The following FOCAD variants were observed in gnomAD, a reference collection of about 807,000 sequenced individuals.
The protein encoded by FOCAD is focadhesin.
In FOCAD, 198 loss-of-function variants were observed where a neutral mutation model predicts 225.6. The observed-to-expected ratio is 0.88, with a 90% confidence interval of 0.78 to 0.99. The LOEUF (loss-of-function observed/expected upper bound fraction) is 0.99, where lower values mean the gene tolerates loss of function less well. FOCAD is among the 50% of genes least tolerant of loss of function. FOCAD has a pLI of 0.00. For synonymous variants in FOCAD, 897 were observed against 755.0 expected (o/e 1.19, Z -3.08); for missense variants, 2,713 against 2,123.6 (o/e 1.28, Z -5.46).
At chr9:20,839,263 T>C (rs114301261) in intron 15 of FOCAD, among the ~76,000 whole-genome samples, 5,999 of 149,918 alleles carry the variant, frequency 0.04, 133 homozygotes, top group Middle Eastern at 0.086. Flanking sequence ...TTCTTTCTTT[T>C]TTTTTTTTTT....
intron 19 of FOCAD, among the ~76,000 whole-genome samples, chr9:20,876,630 G>T (rs1830249842): frequency 6.6e-6 from 1 of 152,034 alleles, no homozygotes; most frequent in Non-Finnish European, 1.5e-5. Context: ...GAGTGAGGTG[G>T]GTGATCTAGA....
At chr9:20,981,354 G>C in intron 37 of FOCAD, 72 bp from the exon 38 acceptor site, 1 of 1,499,580 alleles carries the variant, frequency 6.7e-7, no homozygotes, top group Non-Finnish European at 9.1e-7. Context: ...ACACAGTGAT[G>C]ATGTACAGGT....
chr9:20,704,532 C>T (rs1412178875), intron 1 of FOCAD, among the ~76,000 whole-genome samples: 1 of 152,082 alleles, frequency 6.6e-6, no homozygotes, highest in Non-Finnish European at 1.5e-5. Context: ...AGGAAGATTT[C>T]CTAGCAGTCT....
In FOCAD at chr9:20,724,687, C is replaced by T. The variant is rs76032609; in HGVS notation, c.287+4153C>T. On this transcript the variant is annotated intron_variant, in intron 4 of 43. Transcript: ENST00000338382. ...CTTTATTTCAAGTAGCAGAACTTTG[C>T]GGTGTGTAGTGAATACGAAGACTAT... Among the ~76,000 whole-genome samples the T allele has an allele frequency of 1.7e-3, 260 of 151,872 alleles. 3 individuals carry two copies. In the East Asian group the frequency reaches 0.042, roughly 25 times the overall value.
chr9:20,699,628 C>T (rs1823672839), intron 1 of FOCAD, among the ~76,000 whole-genome samples: 1 of 149,418 alleles, frequency 6.7e-6, no homozygotes, highest in African/African-American at 2.5e-5. Context: ...GTCCCAGCTA[C>T]TCAGGAGGCT....
At chr9:20,689,856 A>C (rs1173246391) in intron 1 of FOCAD, among the ~76,000 whole-genome samples, 1 of 152,206 alleles carries the variant, frequency 6.6e-6, no homozygotes, top group Non-Finnish European at 1.5e-5. Flanking sequence ...GACAGTTGGC[A>C]TAGTACTGTT....
At chr9:20,761,641 C>G (rs1429905388) in intron 6 of FOCAD, among the ~76,000 whole-genome samples, 1 of 151,984 alleles carries the variant, frequency 6.6e-6, no homozygotes, top group Non-Finnish European at 1.5e-5. Context: ...AGGATGGTCT[C>G]AATATCCTGA....
In FOCAD at chr9:20,870,980, A is replaced by C. The variant is rs1829711402; in HGVS notation, c.2191-3701A>C. On this transcript the variant is annotated intron_variant, in intron 18 of 43. Coordinates refer to ENST00000338382, the MANE Select transcript of FOCAD (RefSeq NM_001375567.1). ...CACTTTGGGAGGCCAAGGCAGGCAG[A>C]TCACTAGAGGTCAGGAGTTTGAGAC... Among the ~76,000 whole-genome samples, 4 of 152,268 alleles carry C rather than the reference A, an allele frequency of 2.6e-5. No homozygotes were observed. In the South Asian group the frequency reaches 8.3e-4, roughly 32 times the overall value.
At chr9:20,743,227 G>C (rs1192188754) in intron 5 of FOCAD, among the ~76,000 whole-genome samples, 1 of 152,196 alleles carries the variant, frequency 6.6e-6, no homozygotes, top group African/African-American at 2.4e-5. Flanking sequence ...GAGAAACTTA[G>C]AACTCCACTG....
chr9:20,853,123 C>T (rs1413855676), intron 15 of FOCAD, among the ~76,000 whole-genome samples: 1 of 151,720 alleles, frequency 6.6e-6, no homozygotes, highest in African/African-American at 2.4e-5. Context: ...AAATAGATAA[C>T]TCATACAGAC....
At chr9:20,716,306 C>A in intron 2 of FOCAD, 1 of 227,570 alleles carries the variant, frequency 4.4e-6, no homozygotes, top group Non-Finnish European at 1.0e-5. Context: ...TCAAGAAATG[C>A]CCATACGTGT....
chr9:20,755,846 G>A (rs1467520575), intron 5 of FOCAD, among the ~76,000 whole-genome samples: 1 of 152,048 alleles, frequency 6.6e-6, no homozygotes, highest in Non-Finnish European at 1.5e-5. Context: ...TTTTGGTAGA[G>A]ACTGGGTCCT....
chr9:20,744,575 T>A (rs987354971), intron 5 of FOCAD, among the ~76,000 whole-genome samples: 1 of 152,196 alleles, frequency 6.6e-6, no homozygotes. Context: ...GTCTCAACTC[T>A]GTCTGCACAT....
intron 2 of FOCAD, among the ~76,000 whole-genome samples, chr9:20,668,831 C>A (rs781524041): frequency 8.5e-5 from 13 of 152,156 alleles, no homozygotes; most frequent in Non-Finnish European, 1.8e-4. Context: ...TGGACGGAAA[C>A]AAAATGCATA....
At chr9:20,984,781 C>G (rs770259708) in intron 39 of FOCAD, among the ~76,000 whole-genome samples, 3 of 152,128 alleles carry the variant, frequency 2.0e-5, no homozygotes, top group Admixed American at 6.5e-5. Flanking sequence ...CCAAAAAACT[C>G]AACAACTTGT....
chr9:20,941,126 C>T (rs1276119079), intron 28 of FOCAD, among the ~76,000 whole-genome samples: 2 of 152,084 alleles, frequency 1.3e-5, no homozygotes, highest in African/African-American at 2.4e-5. Flanking sequence ...TTAGTAGATG[C>T]GGGAGTGTAC....
At chr9:20,757,140 G>T (rs891929563) in intron 5 of FOCAD, among the ~76,000 whole-genome samples, 1 of 152,136 alleles carries the variant, frequency 6.6e-6, no homozygotes, top group African/African-American at 2.4e-5. Context: ...TGTTGGTCAG[G>T]CTGGTCTCGA....
In FOCAD at chr9:20,990,394, G is replaced by A. The variant is rs1413591641; in HGVS notation, c.5256+20G>A. Reference sequence around the variant, plus strand: ...CAGAAGGTGAGGCTGGCAGCCACCTGCTTAGCAGGGCAGGCAGCCATTGTC... The same window carrying A: ...CAGAAGGTGAGGCTGGCAGCCACCTACTTAGCAGGGCAGGCAGCCATTGTC... On this transcript the variant is annotated intron_variant, in intron 42 of 43. Coordinates refer to ENST00000338382, the MANE Select transcript of FOCAD (RefSeq NM_001375567.1). The A allele has an allele frequency of 1.1e-5, 18 of 1,610,556 alleles. No individual in the cohort carries two copies. Among genetic ancestry groups the A allele is most frequent in the Non-Finnish European group, 1.5e-5 (18 of 1,178,648 alleles).
chr9:20,832,753 T>A (rs1411914921), intron 15 of FOCAD, among the ~76,000 whole-genome samples: 1 of 152,058 alleles, frequency 6.6e-6, no homozygotes, highest in Non-Finnish European at 1.5e-5. Context: ...TAATGCCCTC[T>A]AGTTTCATCC....
Sources: allele counts gnomAD v4.1 joint callset (sites outside exome capture counted in the v4.1 genomes callset), GRCh38; gene constraint gnomAD v4.1.1; transcripts MANE v1.5; gene names NCBI Gene and HGNC (gene_info 2026-07-23, HGNC 2026-07-21).